Variants in PDLIM5 observed in about 807,000 individuals in gnomAD.
PDLIM5 encodes PDZ and LIM domain protein 5.
In PDLIM5, 34 loss-of-function variants were observed where a neutral mutation model predicts 64.2. The observed-to-expected ratio is 0.53, with a 90% CI of 0.40 to 0.71. PDLIM5 has a LOEUF of 0.71. Among genes scored for constraint, PDLIM5 ranks in the 30% least tolerant of loss-of-function variants. The pLI is 0.00. For synonymous variants in PDLIM5, 253 were observed against 269.1 expected, an observed-to-expected ratio of 0.94 and a Z score of 0.59; for missense variants, 683 against 733.6, an observed-to-expected ratio of 0.93 and a Z score of 0.80.
chr4:94,589,332 A>C (rs1736494119), intron 7 of PDLIM5, among the ~76,000 whole-genome samples: 1 of 152,234 alleles, frequency 6.6e-6, no homozygotes. Flanking sequence ...AAACAGATGT[A>C]GTTAAAATAA....
intron 2 of PDLIM5, among the ~76,000 whole-genome samples, chr4:94,471,859 T>C (rs1210275852): frequency 6.6e-6 from 1 of 152,178 alleles, no homozygotes; most frequent in Non-Finnish European, 1.5e-5. Flanking sequence ...TTATAAGTAT[T>C]TGTACTTACA....
chr4:94,572,120 T>C lies in PDLIM5; in HGVS notation c.249-1231T>C, dbSNP rs78739917. 2.8e-3 allele frequency among the ~76,000 whole-genome samples: 432 copies of C among 152,278 alleles called. 3 individuals are homozygous for C. The highest frequency in any genetic ancestry group is 9.9e-3 in the African/African-American group (410 of 41,564). ...ATCCTGTGCTAGTGTCTTCTGTTTG[T>C]GATCTGTTGTCTTTAAAGTAAAACA... On this transcript the variant is annotated intron_variant, in intron 3 of 12. Coordinates refer to ENST00000317968, the MANE Select transcript of PDLIM5 (RefSeq NM_006457.5).
rs141392461 is a variant in PDLIM5 at position 94,528,767 on chromosome 4, C to T, written c.248+4892C>T. Among the ~76,000 whole-genome samples the T allele has an allele frequency of 8.2e-3, 1,248 of 152,144 alleles. 13 individuals carry two copies. The highest frequency in any genetic ancestry group is 0.028 in the African/African-American group (1,169 of 41,510). Reference sequence around the variant, plus strand: ...AGTAAGCAGAATATGTAATATATCTCGTGTGGATATATTACACGGAATATT... The same window carrying T: ...AGTAAGCAGAATATGTAATATATCTTGTGTGGATATATTACACGGAATATT... On this transcript the variant is annotated intron_variant, in intron 3 of 12. Coordinates refer to ENST00000317968, the MANE Select transcript of PDLIM5 (RefSeq NM_006457.5).
chr4:94,469,822 G>T (rs553247084), intron 2 of PDLIM5, among the ~76,000 whole-genome samples: 1 of 152,210 alleles, frequency 6.6e-6, no homozygotes, highest in South Asian at 2.1e-4. Flanking sequence ...ATAGCCTTCT[G>T]AGGTGACTAT....
chr4:94,548,531 C>A (rs1732521084), intron 3 of PDLIM5, among the ~76,000 whole-genome samples: 1 of 152,130 alleles, frequency 6.6e-6, no homozygotes, highest in Admixed American at 6.5e-5. Flanking sequence ...AGTTCATATA[C>A]ATCCAATTTT....
intron 8 of PDLIM5, among the ~76,000 whole-genome samples, chr4:94,618,599 C>G (rs1161472927): frequency 6.6e-6 from 1 of 152,214 alleles, no homozygotes; most frequent in Non-Finnish European, 1.5e-5. Flanking sequence ...CTGAAGAAAG[C>G]ATCTTCCAAT....
intron 7 of PDLIM5, among the ~76,000 whole-genome samples, chr4:94,592,459 G>A (rs1736738237): frequency 6.6e-6 from 1 of 152,194 alleles, no homozygotes; most frequent in South Asian, 2.1e-4. Flanking sequence ...GTAGCCTTTG[G>A]AAATGTGTAG....
intron 2 of PDLIM5, among the ~76,000 whole-genome samples, chr4:94,490,377 A>AT (rs1368974383): frequency 1.3e-5 from 2 of 152,114 alleles, no homozygotes; most frequent in Non-Finnish European, 2.9e-5. Flanking sequence ...CAAAATTAAA[A>AT]TAAAAATAAG....
chr4:94,571,876 G>T (rs771552681), intron 3 of PDLIM5, among the ~76,000 whole-genome samples: 3 of 152,162 alleles, frequency 2.0e-5, no homozygotes, highest in African/African-American at 4.8e-5. Context: ...TAAAAGAGAA[G>T]TTGTCTATTA....
intron 8 of PDLIM5, among the ~76,000 whole-genome samples, chr4:94,619,167 A>G (rs949700960): frequency 9.9e-5 from 15 of 152,256 alleles, no homozygotes; most frequent in African/African-American, 3.6e-4. Context: ...ACATTCTCAC[A>G]GTAACTAACA....
At chr4:94,526,039 A>G (rs1730323086) in intron 3 of PDLIM5, among the ~76,000 whole-genome samples, 1 of 152,230 alleles carries the variant, frequency 6.6e-6, no homozygotes, top group Non-Finnish European at 1.5e-5. Flanking sequence ...TGAGATATCA[A>G]GAAAGCAAAA....
intron 3 of PDLIM5, among the ~76,000 whole-genome samples, chr4:94,544,571 A>G (rs1473955577): frequency 6.6e-6 from 1 of 152,210 alleles, no homozygotes; most frequent in Non-Finnish European, 1.5e-5. Flanking sequence ...GGAGCTGCGC[A>G]TCTCCACCAC....
At chr4:94,522,862 A>G (rs372933328) in intron 2 of PDLIM5, among the ~76,000 whole-genome samples, 8 of 152,166 alleles carry the variant, frequency 5.3e-5, no homozygotes, top group African/African-American at 1.4e-4. Flanking sequence ...AGTGTGATCT[A>G]CTTATACTTA....
At position 94,659,494 on chromosome 4, in the gene PDLIM5, A is replaced by ATGTGTGTGTG. The variant is rs1163008328; in HGVS notation, c.1585+1983_1585+1992dup. ...GAGCAGCTGTAGTATATATGTGTGTATGTGTGTGTGTGTGTGTGTGTGTGT... is the reference window on the plus strand; with the variant it reads ...GAGCAGCTGTAGTATATATGTGTGTATGTGTGTGTGTGTGTGTGTGTGTGTGTGTGTGTGT... On this transcript the variant is annotated intron_variant, in intron 11 of 12. Coordinates refer to ENST00000317968, the MANE Select transcript of PDLIM5 (RefSeq NM_006457.5). Among the ~76,000 whole-genome samples, 29 of 109,114 alleles carry ATGTGTGTGTG rather than the reference A, an allele frequency of 2.7e-4. 1 individual carries two copies. The highest frequency in any genetic ancestry group is 8.9e-4 in the African/African-American group (26 of 29,300). The allele number at this position is 109,114 out of a possible 152,430, so 71.6% of individuals were successfully genotyped here.
chr4:94,587,305 AT>A, intron 7 of PDLIM5: 1 of 1,325,908 alleles, frequency 7.5e-7, no homozygotes, highest in Non-Finnish European at 9.6e-7. Flanking sequence ...AAAATAGAAA[AT>A]TAAGGGACTA....
intron 1 of PDLIM5, among the ~76,000 whole-genome samples, chr4:94,454,040 A>T (rs1211733828): frequency 6.6e-6 from 1 of 152,200 alleles, no homozygotes; most frequent in Non-Finnish European, 1.5e-5. Context: ...CTTTAAATAT[A>T]CCTATGGCTC....
At chr4:94,551,769 G>A (rs887552472) in intron 3 of PDLIM5, among the ~76,000 whole-genome samples, 7 of 152,096 alleles carry the variant, frequency 4.6e-5, no homozygotes. Context: ...ACTGTGTCTG[G>A]TATATGACCC....
intron 3 of PDLIM5, among the ~76,000 whole-genome samples, chr4:94,537,645 A>G (rs553244430): frequency 6.6e-6 from 1 of 152,266 alleles, no homozygotes; most frequent in East Asian, 1.9e-4. Context: ...AGGAACTTAA[A>G]CACTTTAAAT....
intron 7 of PDLIM5, among the ~76,000 whole-genome samples, chr4:94,595,079 G>T (rs1194035219): frequency 2.6e-5 from 4 of 152,096 alleles, no homozygotes; most frequent in African/African-American, 7.2e-5. Context: ...GAGAGAGAAG[G>T]GGGAGGTGCC....
Sources: allele counts gnomAD v4.1 joint callset (sites outside exome capture counted in the v4.1 genomes callset), GRCh38; gene constraint gnomAD v4.1.1; transcripts MANE v1.5; gene names NCBI Gene and HGNC (gene_info 2026-07-23, HGNC 2026-07-21).